The following COL9A3 variants were observed in gnomAD, a reference collection of about 807,000 sequenced individuals.
COL9A3 encodes the protein collagen alpha-3(IX) chain.
In COL9A3, 82 loss-of-function variants were observed where a neutral mutation model predicts 110.2. The observed-to-expected ratio is 0.74, with a 90% CI of 0.62 to 0.89. COL9A3 has a LOEUF of 0.89. Ranked by LOEUF, COL9A3 falls within the 40% of genes least tolerant of loss-of-function variation. The probability of loss-of-function intolerance (pLI) is 0.00; values close to 1 mark genes in which losing one functional copy is unlikely to be tolerated. For synonymous variants in COL9A3, 494 were observed against 403.8 expected (o/e 1.22, Z -2.68); for missense variants, 1,066 against 981.3 (o/e 1.09, Z -1.15).
rs147410240 is a variant in COL9A3 at position 62,832,159 on chromosome 20, G to A, written c.1293G>A (p.Pro431=). ...AGCCTTCTCTCCACATCCAGGGTCC[G>A]GGAGGTGCCGCAGGCCCTAAGGGAG... The part of the protein sequence containing the change: ...GLRGDVGDRG[P]GGAAGPKGDQ... Residue 431 remains proline (P), a synonymous_variant, in exon 25 of 32, where the codon CCG becomes CCA. Transcript: ENST00000649368. 81 of 1,612,952 alleles carry A rather than the reference G, an allele frequency of 5.0e-5. No homozygotes were observed. The highest frequency in any genetic ancestry group is 2.1e-4 in the African/African-American group (16 of 75,050).
At position 62,840,660 on chromosome 20, in the gene COL9A3, C is replaced by G; in HGVS notation, c.1983C>G (p.Ile661Met). 1 of 1,607,902 alleles carries G rather than the reference C, an allele frequency of 6.2e-7. No individual in the cohort carries two copies. Among genetic ancestry groups the G allele is most frequent in the Non-Finnish European group, 8.5e-7 (1 of 1,177,544 alleles). ...TTGGGGCCCAGGGGACACCGGGGAT[C>G]TGCGACACCTCAGCCTGCCAAGGAG... ...GAIGAQGTPG[I>M]CDTSACQGAV... Residue 661 changes from isoleucine (I) to methionine (M), a missense_variant, in exon 32 of 32, where the codon ATC becomes ATG. Coordinates refer to ENST00000649368, the MANE Select transcript of COL9A3 (RefSeq NM_001853.4).
intron 26 of COL9A3, 132 bp downstream of exon 26, chr20:62,833,196 G>A (rs576488325): frequency 1.5e-5 from 12 of 785,832 alleles, no homozygotes; most frequent in Non-Finnish European, 2.7e-5. Context: ...GCTGGGCAGC[G>A]TGGGGATGGA....
At chr20:62,829,105 A>G in intron 19 of COL9A3, 129 bp downstream of exon 19, 2 of 1,055,714 alleles carry the variant, frequency 1.9e-6, no homozygotes, top group Non-Finnish European at 2.7e-6. Flanking sequence ...GCCTGTGTCC[A>G]TCAGGGCCTG....
chr20:62,835,118 G>T (rs2063625312), intron 26 of COL9A3, among the ~76,000 whole-genome samples: 1 of 152,216 alleles, frequency 6.6e-6, no homozygotes, highest in Non-Finnish European at 1.5e-5. Context: ...TACCCTCCTG[G>T]CCTCCGCGGA....
At chr20:62,823,848 A>C (rs1056769473) in intron 10 of COL9A3, among the ~76,000 whole-genome samples, 12 of 152,248 alleles carry the variant, frequency 7.9e-5, no homozygotes, top group African/African-American at 2.9e-4. Context: ...ACTGTGCTGA[A>C]TGGCTGCTTT....
At chr20:62,818,070 G>T (rs1473470812) in intron 2 of COL9A3, among the ~76,000 whole-genome samples, 1 of 152,138 alleles carries the variant, frequency 6.6e-6, no homozygotes, top group African/African-American at 2.4e-5. Context: ...GGTATCTCAG[G>T]ACTGGTGTGG....
intron 24 of COL9A3, among the ~76,000 whole-genome samples, chr20:62,830,805 C>G: frequency 9.8e-6 from 1 of 101,568 alleles, no homozygotes; most frequent in African/African-American, 4.1e-5. Flanking sequence ...CCACCACAGT[C>G]CCCTGGGACG....
intron 29 of COL9A3, chr20:62,836,821 C>T (rs1398523938): frequency 1.6e-5 from 10 of 630,952 alleles, no homozygotes; most frequent in Non-Finnish European, 2.2e-5. Context: ...GGAGTGTGCC[C>T]CTGTGGCTGG....
chr20:62,830,202 G>T (rs748111988), intron 22 of COL9A3, among the ~76,000 whole-genome samples, 158 bp from the exon 23 acceptor site: 47 of 152,132 alleles, frequency 3.1e-4, no homozygotes, highest in Admixed American at 6.5e-5. Context: ...TGCCCTGGGA[G>T]GTAGCCCTGC....
At chr20:62,817,199 C>T (rs1990957022) in intron 1 of COL9A3, 57 bp downstream of exon 1, 1 of 1,227,022 alleles carries the variant, frequency 8.1e-7, no homozygotes, top group South Asian at 2.3e-5. Context: ...GCCCCAGCCC[C>T]GAACCCGCCA....
intron 4 of COL9A3, 62 bp downstream of exon 4, chr20:62,819,355 C>G (rs1052726055): frequency 6.7e-7 from 1 of 1,484,438 alleles, no homozygotes; most frequent in Non-Finnish European, 9.3e-7. Context: ...TGGAGGAGTC[C>G]GGCCCTAATT....
chr20:62,826,385 C>A, intron 14 of COL9A3, 128 bp downstream of exon 14: 1 of 901,080 alleles, frequency 1.1e-6, no homozygotes, highest in Non-Finnish European at 1.7e-6. Context: ...CTGGCCATCG[C>A]CACTGTGGCG....
chr20:62,825,978 T>C, intron 13 of COL9A3, 108 bp downstream of exon 13: 6 of 1,308,012 alleles, frequency 4.6e-6, no homozygotes, highest in Admixed American at 4.2e-5. Flanking sequence ...TGGGGGGTGT[T>C]TGGCCAACAC....
At position 62,817,644 on chromosome 20, in the gene COL9A3, G is replaced by T. The variant is rs1051326283; in HGVS notation, c.147+9G>T. 9 of 1,529,362 alleles carry T rather than the reference G, an allele frequency of 5.9e-6. No individual in the cohort carries two copies. The highest frequency in any genetic ancestry group is 6.2e-6 in the Non-Finnish European group (7 of 1,134,314). 94.7% of individuals were successfully genotyped at this position (1,529,362 alleles called of 1,614,324 possible). ...GCCAGGACGGCATTGACGTGAGTTT[G>T]GGGGTGGGGAGGGCCCCGAGCGCTC... On this transcript the variant is annotated intron_variant, in intron 2 of 31. Coordinates refer to ENST00000649368, the MANE Select transcript of COL9A3 (RefSeq NM_001853.4).
chr20:62,840,454 A>C (rs2063668251), intron 31 of COL9A3, 88 bp from the exon 32 acceptor site: 1 of 1,235,250 alleles, frequency 8.1e-7, no homozygotes, highest in African/African-American at 1.5e-5. Flanking sequence ...AGCAGATGGA[A>C]GAGCAGGGCT....
In COL9A3 at chr20:62,829,760, C is replaced by T. The variant is rs1201545684; in HGVS notation, c.1108-6C>T. On this transcript the variant is annotated splice_polypyrimidine_tract_variant and splice_region_variant and intron_variant, in intron 21 of 31. Transcript: ENST00000649368. ...TGCCCTGACACCCTCCTTCCTTTCC[C>T]TGTAGGGAGATGCTGGCATGCCTGG... 2 of 1,591,228 alleles carry T rather than the reference C, an allele frequency of 1.3e-6. No homozygotes were observed. The highest frequency in any genetic ancestry group is 1.3e-5 in the African/African-American group (1 of 74,650).
At position 62,821,162 on chromosome 20, in the gene COL9A3, G is replaced by A. The variant is rs375584525; in HGVS notation, c.310-19G>A. 25 of 1,612,314 alleles carry A rather than the reference G, an allele frequency of 1.6e-5. No homozygotes were observed. In the African/African-American group the frequency reaches 1.9e-4, roughly 12 times the overall value. Reference sequence around the variant, plus strand: ...AATAGAGGCCCAGCCCAACCTAGACGCCTGCTTTCCTCCCACAGGGAAGTC... The same window carrying A: ...AATAGAGGCCCAGCCCAACCTAGACACCTGCTTTCCTCCCACAGGGAAGTC... On this transcript the variant is annotated intron_variant, in intron 5 of 31. Coordinates refer to ENST00000649368, the MANE Select transcript of COL9A3 (RefSeq NM_001853.4).
chr20:62,838,865 T>A (rs572560458), intron 31 of COL9A3, 104 bp downstream of exon 31: 1 of 911,708 alleles, frequency 1.1e-6, no homozygotes, highest in South Asian at 1.4e-5. Flanking sequence ...TCTTTTCCTC[T>A]TCTCTTGGCA....
chr20:62,826,751 C>T lies in COL9A3; in HGVS notation c.739-16C>T, dbSNP rs749886134. ...CCTCAGACAAGAGGACCCCGGATCC[C>T]CTCTCTCCTCTGCAGGGTCCCATTG... On this transcript the variant is annotated splice_polypyrimidine_tract_variant and intron_variant, in intron 14 of 31. Transcript: ENST00000649368. The T allele has an allele frequency of 1.9e-6, 3 of 1,612,404 alleles. No homozygotes were observed. Among genetic ancestry groups the T allele is most frequent in the Non-Finnish European group, 1.7e-6 (2 of 1,179,776 alleles).
Sources: allele counts gnomAD v4.1 joint callset (sites outside exome capture counted in the v4.1 genomes callset), GRCh38; gene constraint gnomAD v4.1.1; transcripts MANE v1.5; gene names NCBI Gene and HGNC (gene_info 2026-07-23, HGNC 2026-07-21).